TMOD1: variants seen among roughly 807,000 people sequenced by gnomAD.
The protein encoded by TMOD1 is tropomodulin 1.
Under a neutral mutation model 40.6 loss-of-function variants are expected in TMOD1, and 17 were observed. The observed-to-expected ratio is 0.42, with a 90% confidence interval of 0.29 to 0.63. The LOEUF is 0.63. TMOD1 is among the 20% of genes least tolerant of loss of function. The pLI is 0.22. For missense variants in TMOD1, 391 were observed against 447.6 expected, an observed-to-expected ratio of 0.87 and a Z score of 1.14; for synonymous variants, 181 against 175.0, an observed-to-expected ratio of 1.03 and a Z score of -0.27.
intron 1 of TMOD1, among the ~76,000 whole-genome samples, chr9:97,508,480 G>A (rs113388979): frequency 7.2e-5 from 11 of 152,290 alleles, no homozygotes; most frequent in South Asian, 4.1e-4. Context: ...GCGAGCCACC[G>A]TACCCAGCCA....
chr9:97,517,407 G>A (rs1829829742), intron 1 of TMOD1, among the ~76,000 whole-genome samples: 1 of 152,154 alleles, frequency 6.6e-6, no homozygotes, highest in Admixed American at 6.5e-5. Context: ...TGGAGAGTGG[G>A]CTGGGAAGTC....
At chr9:97,570,791 T>G (rs1464734182) in intron 8 of TMOD1, among the ~76,000 whole-genome samples, 1 of 152,182 alleles carries the variant, frequency 6.6e-6, no homozygotes, top group Non-Finnish European at 1.5e-5. Flanking sequence ...CACAATGAGG[T>G]AGCAGAGAGC....
chr9:97,511,239 T>C (rs1229869717), intron 1 of TMOD1, among the ~76,000 whole-genome samples: 20 of 152,156 alleles, frequency 1.3e-4, no homozygotes. Context: ...GTTTAGTGTG[T>C]TTGTTTTTTT....
At chr9:97,516,305 GGGGAGTC>G (rs1212230761) in intron 1 of TMOD1, 1 of 152,354 alleles carries the variant, frequency 6.6e-6, no homozygotes, top group East Asian at 1.9e-4. Context: ...AGAGAGATGT[GGGGAGTC>G]CCAGTCTCCT....
chr9:97,504,186 G>C (rs1418848358), intron 1 of TMOD1, among the ~76,000 whole-genome samples: 1 of 152,200 alleles, frequency 6.6e-6, no homozygotes, highest in Non-Finnish European at 1.5e-5. Context: ...CCATTTCATA[G>C]GGGCTGCTTG....
rs75083902 is a variant in TMOD1, at chr9:97,540,661, C to T, written c.121-5524C>T. ...ATACATGGCCTTTTGTATCTGGCTT[C>T]TTACACTTAGTATGATGTTTTCAAG... On this transcript the variant is annotated intron_variant, in intron 2 of 9. Coordinates refer to ENST00000259365, the MANE Select transcript of TMOD1 (RefSeq NM_003275.4). 7.8e-3 allele frequency among the ~76,000 whole-genome samples: 1,186 copies of T among 152,300 alleles called. 14 individuals carry two copies. Among genetic ancestry groups the T allele is most frequent in the African/African-American group, 0.027 (1,108 of 41,546 alleles).
At chr9:97,522,128 T>C (rs370378048) in intron 1 of TMOD1, among the ~76,000 whole-genome samples, 19 of 152,340 alleles carry the variant, frequency 1.2e-4, no homozygotes, top group African/African-American at 4.6e-4. Flanking sequence ...CCTGGGCTGC[T>C]GGAACACAGT....
In TMOD1 at chr9:97,601,208, G is replaced by C. The variant is rs1826250894; in HGVS notation, c.*1510G>C. ...TAAAACACAATTGCAGCTGCATTCT[G>C]CATCGCTGAAAACTGCAATATAATA... On this transcript the variant is annotated 3_prime_UTR_variant, in exon 10 of 10. Coordinates refer to ENST00000259365, the MANE Select transcript of TMOD1 (RefSeq NM_003275.4). 1 of 1,288,896 alleles carries C rather than the reference G, an allele frequency of 7.8e-7. No individual in the cohort carries two copies. Among genetic ancestry groups the C allele is most frequent in the African/African-American group, 1.5e-5 (1 of 65,456 alleles). 79.8% of individuals were successfully genotyped at this position (1,288,896 alleles called of 1,614,324 possible).
At chr9:97,572,303 C>T (rs1349034667) in intron 8 of TMOD1, among the ~76,000 whole-genome samples, 2 of 152,052 alleles carry the variant, frequency 1.3e-5, no homozygotes, top group South Asian at 2.1e-4. Flanking sequence ...GGTTAGGAGT[C>T]GGAGAGCTTT....
intron 1 of TMOD1, among the ~76,000 whole-genome samples, chr9:97,522,750 G>T (rs1477350233): frequency 2.6e-5 from 4 of 151,808 alleles, no homozygotes; most frequent in African/African-American, 9.7e-5. Flanking sequence ...TTTTGTAGAG[G>T]CAGGATCTCA....
intron 9 of TMOD1, 30 bp downstream of exon 9, chr9:97,591,465 C>A (rs756554788): frequency 6.2e-7 from 1 of 1,608,044 alleles, no homozygotes; most frequent in Non-Finnish European, 8.5e-7. Flanking sequence ...CTGCCCTGCC[C>A]GCAGTCCTGT....
intron 2 of TMOD1, among the ~76,000 whole-genome samples, chr9:97,527,654 G>T (rs1280053092): frequency 6.6e-6 from 1 of 152,178 alleles, no homozygotes; most frequent in Non-Finnish European, 1.5e-5. Flanking sequence ...GGGGGAAGAG[G>T]GGGCGGCAAG....
At chr9:97,559,847 CTA>C (rs1563990813) in intron 4 of TMOD1, among the ~76,000 whole-genome samples, 3 of 101,284 alleles carry the variant, frequency 3.0e-5, no homozygotes, top group African/African-American at 1.3e-4. Flanking sequence ...ATCTATCTAT[CTA>C]TCTCCAGAGA....
intron 4 of TMOD1, among the ~76,000 whole-genome samples, chr9:97,555,916 G>A (rs187608136): frequency 6.6e-6 from 1 of 152,280 alleles, no homozygotes; most frequent in Non-Finnish European, 1.5e-5. Context: ...AGCCCTCCAG[G>A]GTAGGGGAGG....
chr9:97,546,474 CA>C, intron 3 of TMOD1, 133 bp downstream of exon 3: 1 of 875,886 alleles, frequency 1.1e-6, no homozygotes, highest in Admixed American at 3.1e-5. Context: ...CCTGCCTGGC[CA>C]AAACACCCAA....
At chr9:97,535,581 G>A (rs560026163) in intron 2 of TMOD1, among the ~76,000 whole-genome samples, 2 of 152,132 alleles carry the variant, frequency 1.3e-5, no homozygotes, top group African/African-American at 4.8e-5. Flanking sequence ...GGCTGGGATC[G>A]TACCGTCATT....
intron 3 of TMOD1, 141 bp from the exon 4 acceptor site, chr9:97,553,140 G>T (rs1357294324): frequency 8.5e-7 from 1 of 1,179,490 alleles, no homozygotes; most frequent in Non-Finnish European, 1.2e-6. Flanking sequence ...GGAGAAGTTG[G>T]TCCCCAGAGG....
chr9:97,541,096 T>C (rs2131240876), intron 2 of TMOD1, among the ~76,000 whole-genome samples: 1 of 152,344 alleles, frequency 6.6e-6, no homozygotes, highest in Admixed American at 6.5e-5. Flanking sequence ...TGGATAATAG[T>C]ATTGAGCATT....
intron 3 of TMOD1, among the ~76,000 whole-genome samples, chr9:97,549,844 C>G (rs760246477): frequency 6.6e-6 from 1 of 152,136 alleles, no homozygotes; most frequent in Non-Finnish European, 1.5e-5. Flanking sequence ...TACCTCCACC[C>G]GCCCTCCCTT....
Sources: gnomAD v4.1 joint callset for allele counts (sites outside exome capture counted in the v4.1 genomes callset) on GRCh38, gnomAD v4.1.1 for gene constraint, MANE v1.5 for transcripts, NCBI Gene and HGNC (gene_info 2026-07-23, HGNC 2026-07-21) for gene names.